PSEN1: variants seen among roughly 807,000 people sequenced by gnomAD.
PSEN1 encodes the protein presenilin 1, also known as presenilin-1.
PSEN1 carries 15 observed loss-of-function variants against 53.5 expected under a neutral mutation model. That is an observed-to-expected ratio of 0.28 (90% CI 0.19 to 0.43). The LOEUF is 0.43. Among genes scored for constraint, PSEN1 ranks in the 20% least tolerant of loss-of-function variants. The probability of loss-of-function intolerance (pLI) is 1.00; values close to 1 mark genes in which losing one functional copy is unlikely to be tolerated. For synonymous variants in PSEN1, 208 were observed against 209.8 expected (o/e 0.99, Z 0.08); for missense variants, 387 against 571.2 (o/e 0.68, Z 3.29).
chr14:73,143,098 G>A (rs538883913), intron 1 of PSEN1, among the ~76,000 whole-genome samples: 1 of 152,328 alleles, frequency 6.6e-6, no homozygotes, highest in South Asian at 2.1e-4. Flanking sequence ...TTGCCACGCT[G>A]CCTGAACAGT....
chr14:73,171,487 A>G lies in PSEN1; in HGVS notation c.338+440A>G, dbSNP rs2140038248. Among the ~76,000 whole-genome samples the G allele has an allele frequency of 2.0e-5, 3 of 152,322 alleles. No individual in the cohort carries two copies. The South Asian group carries it at 6.2e-4, about 32-fold the overall frequency. ...AAAATTTTCCTTTTAATTCTCAGCA[A>G]GGCAAGTTACTTCTATATAGAAGGG... On this transcript the variant is annotated intron_variant, in intron 4 of 11. Transcript: ENST00000324501.
chr14:73,171,898 C>T (rs1897901267), intron 4 of PSEN1, among the ~76,000 whole-genome samples: 1 of 152,202 alleles, frequency 6.6e-6, no homozygotes, highest in Admixed American at 6.5e-5. Flanking sequence ...TCCTGTTTCT[C>T]CTAACACGAT....
At chr14:73,187,030 G>T in intron 6 of PSEN1, 110 bp downstream of exon 6, 1 of 899,066 alleles carries the variant, frequency 1.1e-6, no homozygotes. Context: ...AGTTTTAATT[G>T]TTTCCACATA....
intron 4 of PSEN1, among the ~76,000 whole-genome samples, chr14:73,172,028 C>T (rs1897906295): frequency 6.6e-6 from 1 of 152,128 alleles, no homozygotes. Context: ...TATTGCAAGG[C>T]CTGTGAGGGT....
intron 10 of PSEN1, among the ~76,000 whole-genome samples, chr14:73,213,647 A>G (rs1032856518): frequency 2.0e-5 from 3 of 152,244 alleles, no homozygotes; most frequent in East Asian, 3.8e-4. Context: ...TTCTAAAGCA[A>G]TCTGTTAAAA....
At chr14:73,162,539 G>A (rs1055937354) in intron 3 of PSEN1, among the ~76,000 whole-genome samples, 1 of 151,664 alleles carries the variant, frequency 6.6e-6, no homozygotes, top group African/African-American at 2.4e-5. Context: ...CGTATCTGCA[G>A]TCTCAGCTGC....
intron 9 of PSEN1, 133 bp from the exon 10 acceptor site, chr14:73,211,636 T>C: frequency 1.1e-6 from 1 of 892,640 alleles, no homozygotes; most frequent in South Asian, 1.5e-5. Flanking sequence ...CAGCAGGCAC[T>C]GCTACAGCCC....
intron 1 of PSEN1, among the ~76,000 whole-genome samples, chr14:73,143,429 C>G (rs1481932236): frequency 6.6e-6 from 1 of 152,184 alleles, no homozygotes; most frequent in African/African-American, 2.4e-5. Flanking sequence ...TTTACACTCT[C>G]TCTGTAACTC....
intron 6 of PSEN1, 50 bp downstream of exon 6, chr14:73,186,970 C>T (rs1898542582): frequency 7.3e-7 from 1 of 1,367,466 alleles, no homozygotes; most frequent in South Asian, 1.2e-5. Context: ...TACCTTTGTG[C>T]TGTGTAGCTA....
chr14:73,174,047 A>C (rs1352917884), intron 5 of PSEN1: 1 of 424,354 alleles, frequency 2.4e-6, no homozygotes, highest in Non-Finnish European at 4.2e-6. Context: ...ATATGTCATG[A>C]AAAAATTAGT....
rs140189461 is a variant in PSEN1 at position 73,170,833 on chromosome 14, C to T, written c.124C>T (p.Arg42Trp). ...NRERQEHNDR[R>W]SLGHPEPLSN... ...AGAACGGCAGGAGCACAACGACAGA[C>T]GGAGCCTTGGCCACCCTGAGCCATT... The change falls in exon 4 of 12, where the codon CGG becomes TGG. Residue 42 changes from arginine (R) to tryptophan (W), a missense_variant. Around this residue, in one of 4 missense-constraint regions of PSEN1, gnomAD observed 99 missense variants for 101.5 expected, o/e 0.98. Transcript: ENST00000324501. 11 of 1,614,162 alleles carry T rather than the reference C, an allele frequency of 6.8e-6. No individual in the cohort carries two copies. The highest frequency in any genetic ancestry group is 2.2e-5 in the East Asian group (1 of 44,888).
chr14:73,139,055 G>T (rs747095806), intron 1 of PSEN1, among the ~76,000 whole-genome samples: 1 of 150,388 alleles, frequency 6.6e-6, no homozygotes, highest in East Asian at 2.0e-4. Flanking sequence ...AGGCCGAGGC[G>T]GGTGGATAAC....
At chr14:73,165,820 G>A (rs1196894496) in intron 3 of PSEN1, among the ~76,000 whole-genome samples, 1 of 151,654 alleles carries the variant, frequency 6.6e-6, no homozygotes, top group South Asian at 2.1e-4. Context: ...CATTTTGTGA[G>A]GCCAAGGTGG....
rs1391776671 is a variant in PSEN1, at chr14:73,192,849, G to A, written c.754G>A (p.Val252Met). The A allele has an allele frequency of 6.2e-7, 1 of 1,610,984 alleles. No individual in the cohort carries two copies. Among genetic ancestry groups the A allele is most frequent in the Non-Finnish European group, 8.5e-7 (1 of 1,177,364 alleles). ...ATGGACTGCGTGGCTCATCTTGGCT[G>A]TGATTTCAGTATATGGTAAAACCCA... Reference protein sequence around the residue: ...PEWTAWLILAVISVYDLVAVL... With the variant: ...PEWTAWLILAMISVYDLVAVL... The change falls in exon 7 of 12, where the codon GTG becomes ATG. Residue 252 changes from valine to methionine, a missense_variant. Physicochemically the swap from Val to Met is conservative, Grantham distance 21. Coordinates refer to ENST00000324501, the MANE Select transcript of PSEN1 (RefSeq NM_000021.4).
chr14:73,204,497 C>G (rs1340697920), intron 8 of PSEN1, among the ~76,000 whole-genome samples: 3 of 147,292 alleles, frequency 2.0e-5, no homozygotes, highest in Non-Finnish European at 4.5e-5. Context: ...TGTTTTTGTA[C>G]AGCTTATAAG....
chr14:73,163,794 AAC>A (rs1415413669), intron 3 of PSEN1, among the ~76,000 whole-genome samples: 2 of 152,188 alleles, frequency 1.3e-5, no homozygotes, highest in Non-Finnish European at 2.9e-5. Context: ...AGAGAGGAGG[AAC>A]AGTTTGTGGT....
At chr14:73,139,563 G>A (rs1414443988) in intron 1 of PSEN1, among the ~76,000 whole-genome samples, 3 of 151,834 alleles carry the variant, frequency 2.0e-5, no homozygotes, top group Non-Finnish European at 4.4e-5. Context: ...CTGGGCTACA[G>A]AGCGAGACTC....
chr14:73,203,511 C>T (rs1330067850), intron 8 of PSEN1, among the ~76,000 whole-genome samples: 1 of 152,276 alleles, frequency 6.6e-6, no homozygotes, highest in East Asian at 1.9e-4. Context: ...TGGATATAAG[C>T]ATGAATATAA....
At chr14:73,216,643 C>T (rs934911538) in intron 10 of PSEN1, among the ~76,000 whole-genome samples, 6 of 151,934 alleles carry the variant, frequency 3.9e-5, no homozygotes, top group Admixed American at 3.9e-4. Context: ...CCTGTAATCC[C>T]ACCTACTCAG....
Sources: allele counts gnomAD v4.1 joint callset (sites outside exome capture counted in the v4.1 genomes callset), GRCh38; gene constraint gnomAD v4.1.1; regional missense constraint gnomAD v4.1.1; transcripts MANE v1.5; gene names NCBI Gene and HGNC (gene_info 2026-07-23, HGNC 2026-07-21).